The following PCLO variants were observed in gnomAD, a reference collection of about 807,000 sequenced individuals.
The protein encoded by PCLO is protein piccolo.
A neutral mutation model predicts 427.5 loss-of-function variants in PCLO; 82 were observed. The ratio of observed to expected loss-of-function variants is 0.19; its 90% CI spans 0.16 to 0.23. The LOEUF (loss-of-function observed/expected upper bound fraction) is 0.23, where lower values mean the gene tolerates loss of function less well. Among genes scored for constraint, PCLO ranks in the 10% least tolerant of loss-of-function variants. The probability of loss-of-function intolerance (pLI) is 1.00; values close to 1 mark genes in which losing one functional copy is unlikely to be tolerated. For synonymous variants in PCLO, 2,357 were observed against 2,155.4 expected, an observed-to-expected ratio of 1.09 and a Z score of -2.59; for missense variants, 6,239 against 6,115.9, an observed-to-expected ratio of 1.02 and a Z score of -0.67.
intron 3 of PCLO, among the ~76,000 whole-genome samples, chr7:82,985,994 A>T (rs564179464): frequency 6.6e-6 from 1 of 152,116 alleles, no homozygotes; most frequent in Non-Finnish European, 1.5e-5. Flanking sequence ...ATGTTGAATC[A>T]AATTTTTTCT....
At chr7:82,891,854 C>T (rs1793774804) in intron 9 of PCLO, among the ~76,000 whole-genome samples, 1 of 152,152 alleles carries the variant, frequency 6.6e-6, no homozygotes, top group Non-Finnish European at 1.5e-5. Flanking sequence ...AGGAATCCAA[C>T]TCACAAGGGA....
chr7:82,979,589 A>T (rs1796102102), intron 3 of PCLO, among the ~76,000 whole-genome samples: 1 of 152,206 alleles, frequency 6.6e-6, no homozygotes, highest in Non-Finnish European at 1.5e-5. Context: ...TCTTTCACTC[A>T]GCATATTTGC....
intron 3 of PCLO, among the ~76,000 whole-genome samples, chr7:83,125,454 G>A (rs1791414050): frequency 6.6e-6 from 1 of 152,248 alleles, no homozygotes; most frequent in African/African-American, 2.4e-5. Flanking sequence ...AGAAAAGGGG[G>A]AGATGTGGGG....
At chr7:83,149,587 A>T (rs1255685860) in intron 2 of PCLO, among the ~76,000 whole-genome samples, 1 of 152,200 alleles carries the variant, frequency 6.6e-6, no homozygotes, top group Non-Finnish European at 1.5e-5. Flanking sequence ...AACTAAAAAG[A>T]GAACATCCTC....
intron 3 of PCLO, among the ~76,000 whole-genome samples, chr7:83,001,015 CTTTT>C (rs1385995536): frequency 3.3e-5 from 5 of 151,912 alleles, no homozygotes; most frequent in East Asian, 3.9e-4. Flanking sequence ...GTACTACTTT[CTTTT>C]GAGATTTTGT....
At position 83,074,992 on chromosome 7, in the gene PCLO, T is replaced by C. The variant is rs141381348; in HGVS notation, c.3300+59258A>G. Among the ~76,000 whole-genome samples, 1,290 of 152,282 alleles carry C rather than the reference T, an allele frequency of 8.5e-3. 12 individuals are homozygous for C. Among genetic ancestry groups the C allele is most frequent in the Non-Finnish European group, 0.014 (929 of 67,978 alleles). On this transcript the variant is annotated intron_variant, in intron 3 of 24. Coordinates refer to ENST00000333891, the MANE Select transcript of PCLO (RefSeq NM_033026.6). The stretch of plus-strand genomic sequence containing the variant: ...CAAAAACACAAATCTTAGTGGTCTC[T>C]AGCTGAAGGATAAAATCAATCCAAT...
intron 19 of PCLO, 62 bp from the exon 20 acceptor site, chr7:82,822,751 G>GT: frequency 7.0e-7 from 1 of 1,433,748 alleles, no homozygotes; most frequent in Non-Finnish European, 9.7e-7. Context: ...ATCAAGCTTG[G>GT]TTTACACATA....
chr7:83,057,317 CATATATATATAT>C (rs1236982874), intron 3 of PCLO, among the ~76,000 whole-genome samples: 1,047 of 25,894 alleles, frequency 0.04, 42 homozygotes, highest in African/African-American at 0.11. Flanking sequence ...ATTATATATA[CATATATATATAT>C]ATATATATAT....
At chr7:82,855,509 C>T in intron 10 of PCLO, among the ~76,000 whole-genome samples, 1 of 152,056 alleles carries the variant, frequency 6.6e-6, no homozygotes, top group East Asian at 1.9e-4. Flanking sequence ...TTTGTAATGC[C>T]ATTTAAATTG....
chr7:83,085,086 G>T (rs1029402405), intron 3 of PCLO, among the ~76,000 whole-genome samples: 1 of 152,088 alleles, frequency 6.6e-6, no homozygotes, highest in African/African-American at 2.4e-5. Context: ...TTGGCTCAAA[G>T]ATCATAAAAA....
At chr7:82,901,271 T>C (rs1341846675) in intron 9 of PCLO, among the ~76,000 whole-genome samples, 1 of 151,894 alleles carries the variant, frequency 6.6e-6, no homozygotes, top group Non-Finnish European at 1.5e-5. Flanking sequence ...ATTTTTGATA[T>C]AAAAAGTGAT....
chr7:82,909,059 C>G (rs750195045), intron 7 of PCLO, 46 bp from the exon 8 acceptor site: 10 of 1,597,848 alleles, frequency 6.3e-6, no homozygotes, highest in Non-Finnish European at 8.6e-6. Flanking sequence ...GCAAGTAATA[C>G]AGATGATTGA....
intron 3 of PCLO, among the ~76,000 whole-genome samples, chr7:83,009,740 TAA>T (rs549301722): frequency 1.4e-4 from 22 of 152,016 alleles, no homozygotes; most frequent in Middle Eastern, 6.8e-3. Flanking sequence ...AAAATTTATA[TAA>T]GAGTTTCTTT....
intron 16 of PCLO, 112 bp from the exon 17 acceptor site, chr7:82,828,078 T>C: frequency 1.5e-6 from 1 of 663,526 alleles, no homozygotes; most frequent in Non-Finnish European, 2.7e-6. Flanking sequence ...CAAATCACTA[T>C]ATAATTATCT....
At chr7:83,013,144 T>C (rs903426836) in intron 3 of PCLO, among the ~76,000 whole-genome samples, 15 of 152,084 alleles carry the variant, frequency 9.9e-5, no homozygotes, top group African/African-American at 3.6e-4. Flanking sequence ...AATATGGCAC[T>C]TATAATAAAA....
At chr7:82,982,259 A>G (rs1454390024) in intron 3 of PCLO, among the ~76,000 whole-genome samples, 1 of 152,168 alleles carries the variant, frequency 6.6e-6, no homozygotes, top group African/African-American at 2.4e-5. Context: ...TATTTATAAT[A>G]AAAGTTAGCA....
chr7:83,106,285 G>A (rs1790853137), intron 3 of PCLO, among the ~76,000 whole-genome samples: 1 of 152,162 alleles, frequency 6.6e-6, no homozygotes, highest in Non-Finnish European at 1.5e-5. Context: ...TGTAGTGTGA[G>A]GCAAAGCTGT....
At chr7:82,978,849 C>CACAA (rs1413930667) in intron 3 of PCLO, among the ~76,000 whole-genome samples, 123 of 93,338 alleles carry the variant, frequency 1.3e-3, no homozygotes, top group African/African-American at 5.3e-3. Context: ...CACACACACA[C>CACAA]ACACACAAAC....
Position 82,847,259 on chromosome 7 carries a change from A to G in PCLO, c.13655-12T>C. 7.0e-7 allele frequency: 1 copy of G among 1,436,542 alleles called. No individual in the cohort carries two copies. The highest frequency in any genetic ancestry group is 9.7e-7 in the Non-Finnish European group (1 of 1,035,312). The allele number at this position is 1,436,542 out of a possible 1,614,324, so 89.0% of individuals were successfully genotyped here. On this transcript the variant is annotated splice_polypyrimidine_tract_variant and intron_variant, in intron 10 of 24. Coordinates refer to ENST00000333891, the MANE Select transcript of PCLO (RefSeq NM_033026.6). The stretch of plus-strand genomic sequence containing the variant: ...CAATACTTGCATCCCTAGAAAGACA[A>G]ATTTGAATATAAAATCAAACGTGTG...
Sources: gnomAD v4.1 joint callset for allele counts (sites outside exome capture counted in the v4.1 genomes callset) on GRCh38, gnomAD v4.1.1 for gene constraint, MANE v1.5 for transcripts, NCBI Gene and HGNC (gene_info 2026-07-23, HGNC 2026-07-21) for gene names.